PADI4: variants seen among roughly 807,000 people sequenced by gnomAD.
The protein encoded by PADI4 is peptidyl arginine deiminase 4.
PADI4 carries 62 observed loss-of-function variants against 75.0 expected under a neutral mutation model. That is an observed-to-expected ratio of 0.83 (90% confidence interval 0.67 to 1.02). The LOEUF (loss-of-function observed/expected upper bound fraction) is 1.02. Ranked by LOEUF, PADI4 falls within the 50% of genes least tolerant of loss-of-function variation. The pLI, the probability that PADI4 is intolerant of heterozygous loss-of-function variation, is 0.00. For synonymous variants in PADI4, 361 were observed against 348.1 expected, an observed-to-expected ratio of 1.04 and a Z score of -0.41; for missense variants, 845 against 850.5, an observed-to-expected ratio of 0.99 and a Z score of 0.08.
At chr1:17,358,156 G>A (rs1490538464) in intron 13 of PADI4, among the ~76,000 whole-genome samples, 1 of 151,958 alleles carries the variant, frequency 6.6e-6, no homozygotes, top group Non-Finnish European at 1.5e-5. Context: ...GCTGAGGCAG[G>A]AGAATCGCTT....
intron 1 of PADI4, among the ~76,000 whole-genome samples, chr1:17,318,636 A>C (rs921996582): frequency 1.3e-5 from 2 of 150,680 alleles, no homozygotes; most frequent in Admixed American, 1.3e-4. Context: ...TTATATTTTC[A>C]CCTTTTGCCG....
intron 1 of PADI4, among the ~76,000 whole-genome samples, chr1:17,326,660 C>T (rs910098385): frequency 6.6e-6 from 1 of 152,082 alleles, no homozygotes; most frequent in Non-Finnish European, 1.5e-5. Context: ...TTTAAATGAC[C>T]CATGACCCGT....
In PADI4 at chr1:17,325,032, C is replaced by T. The variant is rs141297770; in HGVS notation, c.93-5937C>T. 4.0e-4 allele frequency among the ~76,000 whole-genome samples: 61 copies of T among 152,318 alleles called. 1 individual carries two copies. The highest frequency in any genetic ancestry group is 3.4e-3 in the Middle Eastern group (1 of 294). ...CATGGCTTTATAGGAAGTCTTATAC[C>T]TGGTTGAGAAAGTGCCTCACCTTTT... On this transcript the variant is annotated intron_variant, in intron 1 of 15. Coordinates refer to ENST00000375448, the MANE Select transcript of PADI4 (RefSeq NM_012387.3).
Position 17,359,369 on chromosome 1 carries a change from CAA to C in PADI4, c.1721_1722del (p.Lys574ArgfsTer4), listed in dbSNP as rs1557584878. 1.9e-6 allele frequency: 3 copies of C among 1,614,044 alleles called. No individual in the cohort carries two copies. Among genetic ancestry groups the C allele is most frequent in the Admixed American group, 1.7e-5 (1 of 59,998 alleles). ...IIDIPQLFKL[K>X]EFSKAEAFFP... ...TTGACATCCCGCAGCTCTTCAAGCT[CAA>C]AGAGTTCTCTAAGGCGGAAGCTTTT... On this transcript the variant is annotated frameshift_variant, in exon 15 of 16. Transcript: ENST00000375448. LOFTEE classifies it high-confidence loss of function.
Position 17,339,825 on chromosome 1 carries a change from C to G in PADI4, c.652+12C>G, listed in dbSNP as rs1302162250. On this transcript the variant is annotated intron_variant, in intron 6 of 15. Transcript: ENST00000375448. ...GTTTCAGGCCACACGTAAGTCATCC[C>G]CATCTTTGTTCCCCTCCTGCCCTGG... The G allele has an allele frequency of 1.9e-6, 3 of 1,591,898 alleles. No individual in the cohort carries two copies. Among genetic ancestry groups the G allele is most frequent in the Non-Finnish European group, 2.6e-6 (3 of 1,168,474 alleles).
intron 1 of PADI4, among the ~76,000 whole-genome samples, chr1:17,316,287 A>G (rs975428475): frequency 1.3e-5 from 2 of 151,854 alleles, no homozygotes; most frequent in Non-Finnish European, 2.9e-5. Flanking sequence ...TCAGCTACTA[A>G]GGAGGCTGAG....
rs1241552605 is a variant in PADI4 at position 17,313,535 on chromosome 1, A to G, written c.92+5221A>G. 2.7e-4 allele frequency among the ~76,000 whole-genome samples: 40 copies of G among 150,406 alleles called. No individual in the cohort carries two copies. The East Asian group carries it at 3.5e-3, about 13-fold the overall frequency. On this transcript the variant is annotated intron_variant, in intron 1 of 15. Coordinates refer to ENST00000375448, the MANE Select transcript of PADI4 (RefSeq NM_012387.3). ...AAAAAAAAAAAAGGAAAGGAAGGAA[A>G]GAAGGAAAGAAGGAAAGAAAGAAAG...
intron 1 of PADI4, among the ~76,000 whole-genome samples, chr1:17,321,053 G>A (rs973245778): frequency 1.3e-5 from 2 of 152,170 alleles, no homozygotes; most frequent in Non-Finnish European, 2.9e-5. Context: ...GTCATCTTTG[G>A]GAGACCATTG....
At position 17,338,064 on chromosome 1, in the gene PADI4, A is replaced by G. The variant is rs79899387; in HGVS notation, c.435A>G (p.Gly145=). 58 of 1,613,482 alleles carry G rather than the reference A, an allele frequency of 3.6e-5. No homozygotes were observed. The highest frequency in any genetic ancestry group is 4.6e-5 in the Non-Finnish European group (54 of 1,179,474). The change falls in exon 5 of 16, where the codon GGA becomes GGG. Residue 145 remains glycine, a synonymous_variant. Transcript: ENST00000375448. ...DQRTWTWGPC[G]QGAILLVNCD... ...GGACCTGGACCTGGGGCCCTTGTGG[A>G]CAGGGTGCCATCCTGCTGGTGAACT...
chr1:17,352,926 G>A (rs1439684249), intron 10 of PADI4, among the ~76,000 whole-genome samples: 4 of 152,206 alleles, frequency 2.6e-5, no homozygotes, highest in Non-Finnish European at 5.9e-5. Flanking sequence ...GGCAAGTGAG[G>A]TTGGAGGTGA....
rs145819522 is a variant in PADI4 at position 17,346,071 on chromosome 1, G to C, written c.979G>C (p.Ala327Pro). Residue 327 changes from alanine (A) to proline (P), a missense_variant, in exon 9 of 16, where the codon GCC (alanine) becomes CCC (proline). Ala to Pro is a conservative substitution (Grantham distance 27). Transcript: ENST00000375448. This position sits in a 1 kb window ranked among gnomAD's most constrained non-coding sequence, Gnocchi z 4.3. ...CTTCCTGAAGTCAGTGACTACTCTG[G>C]CCATGAAAGCCAAGTGCAAGCTGAC... ...EDFLKSVTTL[A>P]MKAKCKLTIC... 595 of 1,613,938 alleles carry C rather than the reference G, an allele frequency of 3.7e-4. 6 individuals are homozygous for C. The East Asian group carries it at 0.011, about 29-fold the overall frequency.
chr1:17,352,957 T>C (rs1054934568), intron 10 of PADI4, among the ~76,000 whole-genome samples: 10 of 152,184 alleles, frequency 6.6e-5, no homozygotes, highest in Non-Finnish European at 1.0e-4. Flanking sequence ...CCCGGTGTCC[T>C]GAAAGCCAAG....
chr1:17,313,500 A>AAC (rs2073877404), intron 1 of PADI4, among the ~76,000 whole-genome samples: 1 of 134,660 alleles, frequency 7.4e-6, no homozygotes, highest in African/African-American at 2.8e-5. Context: ...GACCTTGTCA[A>AAC]AAAAAAAAAA....
rs1308249402 is a variant in PADI4 at position 17,352,006 on chromosome 1, TGGGAGGAGAGGCGGCCA to T, written c.1156-2520_1156-2504del. On this transcript the variant is annotated intron_variant, in intron 10 of 15. Coordinates refer to ENST00000375448, the MANE Select transcript of PADI4 (RefSeq NM_012387.3). Reference sequence around the variant, plus strand: ...GGAGGAGAGGCAGTCAGGGAGGTGATGGGAGGAGAGGCGGCCAGGGAGGTGATGGGAGGAGAGGCAGT... The same window carrying T: ...GGAGGAGAGGCAGTCAGGGAGGTGATGGGAGGTGATGGGAGGAGAGGCAGT... 9.6e-4 allele frequency among the ~76,000 whole-genome samples: 10 copies of T among 10,386 alleles called. 3 individuals are homozygous for T. The highest frequency in any genetic ancestry group is 1.8e-3 in the Non-Finnish European group (10 of 5,694). The allele number at this position is 10,386 out of a possible 152,430, so 6.8% of individuals were successfully genotyped here. A position where few individuals can be genotyped will look rare whatever the true frequency, so the allele number is the denominator to read the frequency against.
intron 10 of PADI4, among the ~76,000 whole-genome samples, chr1:17,352,295 G>A (rs79331366): frequency 0.029 from 4,419 of 151,504 alleles, 84 homozygotes; most frequent in Non-Finnish European, 0.044. Context: ...AGTAGAAGAG[G>A]CTGTGGTCAG....
rs555080599 is a variant in PADI4 at position 17,356,255 on chromosome 1, G to T, written c.1456-102G>T. Reference sequence around the variant, plus strand: ...AGGATGGCAGTAGAGGAGGTGGCCAGCTTGGGTCCAAGTCCACACTACTCC... The same window carrying T: ...AGGATGGCAGTAGAGGAGGTGGCCATCTTGGGTCCAAGTCCACACTACTCC... On this transcript the variant is annotated intron_variant, in intron 12 of 15. Coordinates refer to ENST00000375448, the MANE Select transcript of PADI4 (RefSeq NM_012387.3). The surrounding 1 kb of genome is among the most constrained non-coding windows in gnomAD (Gnocchi z 4.1). 8.5e-5 allele frequency: 111 copies of T among 1,308,806 alleles called. No individual in the cohort carries two copies. In the African/African-American group the frequency reaches 1.6e-3, roughly 19 times the overall value. 81.1% of individuals were successfully genotyped at this position (1,308,806 alleles called of 1,614,324 possible).
chr1:17,322,896 T>A (rs1284869441), intron 1 of PADI4, among the ~76,000 whole-genome samples: 1 of 152,166 alleles, frequency 6.6e-6, no homozygotes, highest in Non-Finnish European at 1.5e-5. Flanking sequence ...TAGCTATCTA[T>A]ACTGTGTAAC....
Position 17,341,876 on chromosome 1 carries a change from T to G in PADI4, c.653-67T>G, listed in dbSNP as rs573002497. ...CCTGGGAAAGGCTTCTGGGGAGCACTAAGGAGAGGAGGAAAAGTCTTCAGA... is the reference window on the plus strand; with the variant it reads ...CCTGGGAAAGGCTTCTGGGGAGCACGAAGGAGAGGAGGAAAAGTCTTCAGA... On this transcript the variant is annotated intron_variant, in intron 6 of 15. Transcript: ENST00000375448. The G allele has an allele frequency of 1.3e-5, 17 of 1,272,582 alleles. No individual in the cohort carries two copies. The African/African-American group carries it at 2.1e-4, about 15-fold the overall frequency. The allele number at this position is 1,272,582 out of a possible 1,614,324, so 78.8% of individuals were successfully genotyped here.
At chr1:17,330,207 AG>A (rs2074185453) in intron 1 of PADI4, among the ~76,000 whole-genome samples, 1 of 152,148 alleles carries the variant, frequency 6.6e-6, no homozygotes, top group African/African-American at 2.4e-5. Context: ...CAAACCCTTC[AG>A]GTCAGGGGAT....
Sources: gnomAD v4.1 joint callset for allele counts (sites outside exome capture counted in the v4.1 genomes callset) on GRCh38, gnomAD v4.1.1 for gene constraint, Gnocchi (gnomAD v3.1) non-coding constraint, MANE v1.5 for transcripts, NCBI Gene and HGNC (gene_info 2026-07-23, HGNC 2026-07-21) for gene names.